TBCD: variants seen among roughly 807,000 people sequenced by gnomAD.
TBCD encodes the protein tubulin-specific chaperone D.
Under a neutral mutation model 169.3 loss-of-function variants are expected in TBCD, and 105 were observed. That is an observed-to-expected ratio of 0.62 (90% CI 0.53 to 0.73). The LOEUF is 0.73. Ranked by LOEUF, TBCD falls within the 30% of genes least tolerant of loss-of-function variation. The pLI is 0.00. For missense variants in TBCD, 1,444 were observed against 1,600.1 expected (o/e 0.90, Z 1.66); for synonymous variants, 700 against 643.9 (o/e 1.09, Z -1.32).
chr17:82,829,905 C>T (rs1220212437), intron 13 of TBCD: 2 of 622,502 alleles, frequency 3.2e-6, no homozygotes, highest in Non-Finnish European at 5.5e-6. Flanking sequence ...ACATATCAGT[C>T]TTAGAGTCAT....
chr17:82,791,850 C>G (rs1045354281), intron 7 of TBCD, among the ~76,000 whole-genome samples: 2 of 150,246 alleles, frequency 1.3e-5, no homozygotes, highest in Non-Finnish European at 3.0e-5. Flanking sequence ...ATGGTGTGGC[C>G]TGCTGCTCCC....
intron 34 of TBCD, 146 bp downstream of exon 34, chr17:82,932,881 G>A (rs2062320178): frequency 1.0e-5 from 7 of 699,664 alleles, no homozygotes; most frequent in African/African-American, 1.8e-5. Flanking sequence ...TGTAAATACC[G>A]TCATCACAGC....
At chr17:82,765,951 C>T (rs940897645) in intron 3 of TBCD, among the ~76,000 whole-genome samples, 2 of 152,142 alleles carry the variant, frequency 1.3e-5, no homozygotes, top group African/African-American at 4.8e-5. Flanking sequence ...TCTCAGACTA[C>T]AGGCATGTGC....
In TBCD at chr17:82,887,719, C is replaced by T. The variant is rs181927297; in HGVS notation, c.1534-1949C>T. Among the ~76,000 whole-genome samples, 272 of 152,226 alleles carry T rather than the reference C, an allele frequency of 1.8e-3. No individual in the cohort carries two copies. In the Middle Eastern group the frequency reaches 0.024, roughly 13 times the overall value. On this transcript the variant is annotated intron_variant, in intron 15 of 38. Transcript: ENST00000355528. Reference sequence around the variant, plus strand: ...ATTCACGTTCGCACCACCACCTGCCCGCAGCCCTGCCTTTCTCTGTCCTCG... The same window carrying T: ...ATTCACGTTCGCACCACCACCTGCCTGCAGCCCTGCCTTTCTCTGTCCTCG...
rs748853206 is a variant in TBCD at position 82,830,641 on chromosome 17, G to T, written c.1318+15707G>T. The T allele has an allele frequency of 1.9e-5, 30 of 1,613,926 alleles. No homozygotes were observed. Among genetic ancestry groups the T allele is most frequent in the Non-Finnish European group, 2.5e-5 (30 of 1,179,956 alleles). ...AGGCCTCGGAGCCTGGGTGTTACAGGGGTCCTTCACCGAGAGATTGAGTGG... is the reference window on the plus strand; with the variant it reads ...AGGCCTCGGAGCCTGGGTGTTACAGTGGTCCTTCACCGAGAGATTGAGTGG... On this transcript the variant is annotated intron_variant, in intron 13 of 38. Coordinates refer to ENST00000355528, the MANE Select transcript of TBCD (RefSeq NM_005993.5).
chr17:82,778,248 C>G (rs1295171808), intron 6 of TBCD, among the ~76,000 whole-genome samples: 1 of 152,076 alleles, frequency 6.6e-6, no homozygotes. Context: ...TCCTTGGTCT[C>G]TTGCCTCGGC....
At chr17:82,788,413 A>T (rs1217127445) in intron 7 of TBCD, among the ~76,000 whole-genome samples, 1 of 151,168 alleles carries the variant, frequency 6.6e-6, no homozygotes, top group Non-Finnish European at 1.5e-5. Context: ...GGGCTGGGGG[A>T]CTCGGACTGC....
chr17:82,845,060 C>T (rs1053990716), intron 13 of TBCD, among the ~76,000 whole-genome samples: 2 of 152,054 alleles, frequency 1.3e-5, no homozygotes, highest in Admixed American at 1.3e-4. Context: ...GGGTAAGCAC[C>T]GGTGCCAGTG....
intron 13 of TBCD, among the ~76,000 whole-genome samples, chr17:82,845,130 C>T (rs1387034775): frequency 1.3e-5 from 2 of 152,066 alleles, no homozygotes; most frequent in Non-Finnish European, 2.9e-5. Context: ...TGTGTCAGGG[C>T]CTCTTTCCCT....
At chr17:82,878,303 C>CCCCTTTA (rs1268297685) in intron 14 of TBCD, among the ~76,000 whole-genome samples, 1 of 152,208 alleles carries the variant, frequency 6.6e-6, no homozygotes, top group African/African-American at 2.4e-5. Context: ...ATAAAATTCA[C>CCCCTTTA]CCCTTTAGGG....
Position 82,881,172 on chromosome 17 carries a change from G to A in TBCD, c.1476-2973G>A, listed in dbSNP as rs529213871. 1.4e-3 allele frequency among the ~76,000 whole-genome samples: 210 copies of A among 152,330 alleles called. 1 individual carries two copies. The highest frequency in any genetic ancestry group is 4.9e-3 in the African/African-American group (202 of 41,562). ...CTGGGCTTGCTGCTGTGGCCTGGAC[G>A]CTGGGGTCTCTCTCGGCCCGGTGGT... On this transcript the variant is annotated intron_variant, in intron 14 of 38. Coordinates refer to ENST00000355528, the MANE Select transcript of TBCD (RefSeq NM_005993.5).
chr17:82,810,352 G>A (rs2051339973), intron 12 of TBCD, among the ~76,000 whole-genome samples: 2 of 152,152 alleles, frequency 1.3e-5, no homozygotes. Context: ...GAGGTGGGAG[G>A]ATCACTTGAG....
Position 82,903,467 on chromosome 17 carries a change from G to C in TBCD, c.1793G>C (p.Ser598Thr). ...HNLAQQAPEF[S>T]ATQVFPRLLS... ...CTGGCCCAGCAGGCACCCGAGTTCA[G>C]CGCCACGCAAGGTGGGTGTGTGTCC... Residue 598 changes from serine to threonine, a missense_variant, in exon 19 of 39, where the codon AGC (serine) becomes ACC (threonine). Coordinates refer to ENST00000355528, the MANE Select transcript of TBCD (RefSeq NM_005993.5). This position sits in a 1 kb window ranked among gnomAD's most constrained non-coding sequence, Gnocchi z 4.8. The C allele has an allele frequency of 6.3e-7, 1 of 1,596,002 alleles. No homozygotes were observed. The highest frequency in any genetic ancestry group is 2.3e-5 in the East Asian group (1 of 43,998).
At chr17:82,809,589 C>T (rs2144837781) in intron 11 of TBCD, 119 bp from the exon 12 acceptor site, 1 of 1,096,150 alleles carries the variant, frequency 9.1e-7, no homozygotes, top group East Asian at 2.7e-5. Flanking sequence ...CTGGAGTTGG[C>T]CTCTTCTCTC....
intron 13 of TBCD, chr17:82,838,721 G>T (rs1314745724): frequency 2.0e-6 from 2 of 985,302 alleles, no homozygotes; most frequent in African/African-American, 1.7e-5. Flanking sequence ...GGACAACCAA[G>T]ACCTGGGGAA....
intron 1 of TBCD, among the ~76,000 whole-genome samples, chr17:82,752,597 G>T (rs2047162505): frequency 6.6e-6 from 1 of 152,062 alleles, no homozygotes; most frequent in Admixed American, 6.5e-5. Context: ...CGCCTCCCTT[G>T]GGGGGACCGT....
intron 7 of TBCD, among the ~76,000 whole-genome samples, chr17:82,786,265 C>T (rs1289921750): frequency 2.0e-5 from 3 of 152,092 alleles, no homozygotes; most frequent in African/African-American, 7.2e-5. Context: ...AATGAAATCC[C>T]TAATAAAACT....
At chr17:82,793,543 G>A (rs1415024973) in intron 7 of TBCD, among the ~76,000 whole-genome samples, 1 of 152,202 alleles carries the variant, frequency 6.6e-6, no homozygotes, top group Admixed American at 6.5e-5. Flanking sequence ...AGCCTCGAGC[G>A]TACCAGAGTT....
chr17:82,903,742 A>C lies in TBCD; in HGVS notation c.1804+264A>C, dbSNP rs189899287. Among the ~76,000 whole-genome samples, 1 of 152,146 alleles carries C rather than the reference A, an allele frequency of 6.6e-6. No individual in the cohort carries two copies. Among genetic ancestry groups the C allele is most frequent in the African/African-American group, 2.4e-5 (1 of 41,418 alleles). On this transcript the variant is annotated intron_variant, in intron 19 of 38. Transcript: ENST00000355528. The surrounding 1 kb of genome is among the most constrained non-coding windows in gnomAD (Gnocchi z 4.8). ...TGGTCCCGCCGGATGCCTGACATGC[A>C]GTGCTGCTTCCCTGGTCTCTAGGTG...
Sources: gnomAD v4.1 joint callset for allele counts (sites outside exome capture counted in the v4.1 genomes callset) on GRCh38, gnomAD v4.1.1 for gene constraint, Gnocchi (gnomAD v3.1) non-coding constraint, MANE v1.5 for transcripts, NCBI Gene and HGNC (gene_info 2026-07-23, HGNC 2026-07-21) for gene names.